PCDHA6: variants seen among roughly 807,000 people sequenced by gnomAD.
PCDHA6 encodes the protein protocadherin alpha 6, also known as protocadherin alpha-6.
A neutral mutation model predicts 60.3 loss-of-function variants in PCDHA6; 55 were observed. The observed-to-expected ratio is 0.91, with a 90% CI of 0.73 to 1.14. The LOEUF (loss-of-function observed/expected upper bound fraction) is 1.14. Among genes scored for constraint, PCDHA6 ranks in the 50% most tolerant of loss-of-function variants. PCDHA6 has a pLI of 0.00. For missense variants in PCDHA6, 1,327 were observed against 1,256.5 expected, an observed-to-expected ratio of 1.06 and a Z score of -0.85; for synonymous variants, 652 against 557.9, an observed-to-expected ratio of 1.17 and a Z score of -2.38.
chr5:140,853,458 T>TA lies in PCDHA6; in HGVS notation c.2394+22974dup. 7 of 974,486 alleles carry TA rather than the reference T, an allele frequency of 7.2e-6. 1 individual carries two copies. Among genetic ancestry groups the TA allele is most frequent in the Non-Finnish European group, 8.7e-6 (7 of 807,370 alleles). The allele number at this position is 974,486 out of a possible 1,614,324, so 60.4% of individuals were successfully genotyped here. ...CTATTTTGCCTAATAGGTCTCCTTA[T>TA]ATGCATCTGTAGTTAACATTCCTCA... On this transcript the variant is annotated intron_variant, in intron 1 of 3. Coordinates refer to ENST00000529310, the MANE Select transcript of PCDHA6 (RefSeq NM_018909.4).
At chr5:140,937,328 C>T (rs191377007) in intron 1 of PCDHA6, among the ~76,000 whole-genome samples, 9 of 152,066 alleles carry the variant, frequency 5.9e-5, no homozygotes, top group Admixed American at 5.2e-4. Context: ...TGAGCCACCG[C>T]GCCCGGCTTC....
rs903321831 is a variant in PCDHA6, at chr5:140,926,671, C to A, written c.2395-52278C>A. ...CGGCTCCGCTTTCCCAGACGGCTGC[C>A]CAGCCTCCAGCCTAGCAAGCCCGGC... On this transcript the variant is annotated intron_variant, in intron 1 of 3. Coordinates refer to ENST00000529310, the MANE Select transcript of PCDHA6 (RefSeq NM_018909.4). The A allele has an allele frequency of 3.5e-5, 20 of 579,422 alleles. No homozygotes were observed. The South Asian group carries it at 7.5e-4, about 22-fold the overall frequency. 35.9% of individuals were successfully genotyped at this position (579,422 alleles called of 1,614,324 possible).
intron 1 of PCDHA6, among the ~76,000 whole-genome samples, chr5:140,941,409 C>T (rs1284702446): frequency 2.7e-5 from 4 of 149,924 alleles, no homozygotes; most frequent in Admixed American, 1.3e-4. Flanking sequence ...CTCCGCCTCC[C>T]GGGTTCAAGC....
intron 1 of PCDHA6, among the ~76,000 whole-genome samples, chr5:140,971,942 C>A (rs2153791969): frequency 6.6e-6 from 1 of 152,140 alleles, no homozygotes; most frequent in Middle Eastern, 3.4e-3. Flanking sequence ...AAGTTGTATC[C>A]ATCTGACTCC....
intron 1 of PCDHA6, chr5:140,864,371 G>C (rs1005201982): frequency 6.6e-6 from 1 of 151,926 alleles, no homozygotes; most frequent in Non-Finnish European, 1.5e-5. Context: ...TTCTATAATC[G>C]ATAAGTTTAT....
Position 141,009,983 on chromosome 5 carries a change from G to A in PCDHA6, c.*46G>A, listed in dbSNP as rs1554262629. The A allele has an allele frequency of 1.9e-6, 3 of 1,581,862 alleles. No homozygotes were observed. Among genetic ancestry groups the A allele is most frequent in the Non-Finnish European group, 2.6e-6 (3 of 1,167,526 alleles). On this transcript the variant is annotated 3_prime_UTR_variant, in exon 4 of 4. Coordinates refer to ENST00000529310, the MANE Select transcript of PCDHA6 (RefSeq NM_018909.4). ...CCACTTAGCCAGTTTTTGTAATAAT[G>A]GCAAATCTCTCCCATGTAGCAATTC...
chr5:141,000,361 G>GTCTC (rs148596731), intron 3 of PCDHA6, among the ~76,000 whole-genome samples: 446 of 26,454 alleles, frequency 0.017, 11 homozygotes, highest in Non-Finnish European at 0.022. Flanking sequence ...GTCTCTCTCT[G>GTCTC]TCTCTCTCTC....
At chr5:140,903,635 A>T (rs2070455281) in intron 1 of PCDHA6, among the ~76,000 whole-genome samples, 1 of 152,244 alleles carries the variant, frequency 6.6e-6, no homozygotes, top group Non-Finnish European at 1.5e-5. Context: ...ATGTATGCAT[A>T]TACCATATAC....
In PCDHA6 at chr5:140,971,075, T is replaced by C. The variant is rs560795307; in HGVS notation, c.2395-7874T>C. 1.4e-4 allele frequency among the ~76,000 whole-genome samples: 22 copies of C among 152,322 alleles called. No homozygotes were observed. The South Asian group carries it at 3.7e-3, about 26-fold the overall frequency. ...CTTTAAATAAGGTTGCTGTAGACAT[T>C]TGCTTAACAAATTCTTGTGAAGCCC... is the stretch of plus-strand genomic sequence containing the variant. On this transcript the variant is annotated intron_variant, in intron 1 of 3. Transcript: ENST00000529310.
At position 140,927,227 on chromosome 5, in the gene PCDHA6, T is replaced by G. The variant is rs782721972; in HGVS notation, c.2395-51722T>G. The G allele has an allele frequency of 3.2e-5, 51 of 1,613,848 alleles. No individual in the cohort carries two copies. The highest frequency in any genetic ancestry group is 1.6e-4 in the Middle Eastern group (1 of 6,084). ...CCGCTGGAGCTGCACAAGATTCGGA[T>G]TCACGTCCTGGACACCAATGACAAC... On this transcript the variant is annotated intron_variant, in intron 1 of 3. Coordinates refer to ENST00000529310, the MANE Select transcript of PCDHA6 (RefSeq NM_018909.4).
At chr5:140,982,625 T>C in intron 3 of PCDHA6, 62 bp downstream of exon 3, 1 of 1,582,614 alleles carries the variant, frequency 6.3e-7, no homozygotes, top group South Asian at 1.2e-5. Context: ...ATGACCTACT[T>C]TTGTAAGATC....
chr5:140,901,356 T>C (rs1554189806), intron 1 of PCDHA6, among the ~76,000 whole-genome samples: 1 of 152,232 alleles, frequency 6.6e-6, no homozygotes, highest in Non-Finnish European at 1.5e-5. Context: ...GTCTTAGATT[T>C]AAGTCTTTAA....
At chr5:140,848,198 C>T (rs2150407095) in intron 1 of PCDHA6, 8 of 311,274 alleles carry the variant, frequency 2.6e-5, no homozygotes, top group African/African-American at 1.7e-4. Flanking sequence ...TCTGTTTCAA[C>T]AATCATTACT....
chr5:140,871,022 A>ACT, intron 1 of PCDHA6: 1 of 1,613,114 alleles, frequency 6.2e-7, no homozygotes, highest in Non-Finnish European at 8.5e-7. Flanking sequence ...GACGAGGCAG[A>ACT]CTCGCCGCGC....
intron 1 of PCDHA6, chr5:140,876,201 T>C: frequency 1.9e-6 from 3 of 1,613,952 alleles, no homozygotes; most frequent in Non-Finnish European, 1.7e-6. Flanking sequence ...CGGCGTTTGA[T>C]AAGCCCAGCT....
chr5:140,857,508 C>T, intron 1 of PCDHA6: 3 of 1,598,226 alleles, frequency 1.9e-6, no homozygotes, highest in Non-Finnish European at 2.6e-6. Context: ...CAGGAGAACG[C>T]CCTGGTGTCC....
At position 141,003,197 on chromosome 5, in the gene PCDHA6, C is replaced by T. The variant is rs77453404; in HGVS notation, c.2543-6430C>T. 6.7e-3 allele frequency among the ~76,000 whole-genome samples: 1,024 copies of T among 152,320 alleles called. 13 individuals are homozygous for T. Among genetic ancestry groups the T allele is most frequent in the African/African-American group, 0.024 (986 of 41,560 alleles). On this transcript the variant is annotated intron_variant, in intron 3 of 3. Transcript: ENST00000529310. ...GGCTCAACTCCATCAACTCAGGCAGCCAGGGTTAGTTTAGCATGAAAGAGG... is the reference window on the plus strand; with the variant it reads ...GGCTCAACTCCATCAACTCAGGCAGTCAGGGTTAGTTTAGCATGAAAGAGG...
chr5:140,985,273 T>C (rs1554246915), intron 3 of PCDHA6, among the ~76,000 whole-genome samples: 1 of 152,178 alleles, frequency 6.6e-6, no homozygotes, highest in African/African-American at 2.4e-5. Context: ...GGACTACTTT[T>C]CTGCAATCTA....
At chr5:140,854,210 T>C in intron 1 of PCDHA6, 2 of 643,974 alleles carry the variant, frequency 3.1e-6, no homozygotes, top group Non-Finnish European at 3.8e-6. Context: ...TTTTATTCAA[T>C]ATTGGACATC....
Sources: allele counts gnomAD v4.1 joint callset (sites outside exome capture counted in the v4.1 genomes callset), GRCh38; gene constraint gnomAD v4.1.1; transcripts MANE v1.5; gene names NCBI Gene and HGNC (gene_info 2026-07-23, HGNC 2026-07-21).